Variants in PAPPA observed in about 807,000 individuals in gnomAD.
The protein encoded by PAPPA is pappalysin-1.
In PAPPA, 60 loss-of-function variants were observed where a neutral mutation model predicts 164.0. That is an observed-to-expected ratio of 0.37 (90% CI 0.30 to 0.45). PAPPA has a LOEUF of 0.45. Ranked by LOEUF, PAPPA falls within the 20% of genes least tolerant of loss-of-function variation. The probability of loss-of-function intolerance (pLI) is 1.00; values close to 1 mark genes in which losing one functional copy is unlikely to be tolerated. For missense variants in PAPPA, 1,782 were observed against 2,087.3 expected (o/e 0.85, Z 2.85); for synonymous variants, 875 against 814.1 (o/e 1.07, Z -1.27).
At chr9:116,365,087 T>C (rs1846481975) in intron 18 of PAPPA, among the ~76,000 whole-genome samples, 1 of 152,146 alleles carries the variant, frequency 6.6e-6, no homozygotes, top group African/African-American at 2.4e-5. Context: ...TTCCTCCAAA[T>C]GCGCCTGACT....
At position 116,271,037 on chromosome 9, in the gene PAPPA, T is replaced by C. The variant is rs191854423; in HGVS notation, c.2862-288T>C. Among the ~76,000 whole-genome samples the C allele has an allele frequency of 1.3e-5, 2 of 152,334 alleles. No homozygotes were observed. Among genetic ancestry groups the C allele is most frequent in the East Asian group, 3.9e-4 (2 of 5,184 alleles). On this transcript the variant is annotated intron_variant, in intron 8 of 21. Transcript: ENST00000328252. The surrounding 1 kb of genome is among the most constrained non-coding windows in gnomAD (Gnocchi z 4.2). ...ATTTATTTGTTCATTAGTTCTTCCA[T>C]GTCTTACTCCCATCTGACTTAACTG... is the stretch of plus-strand genomic sequence containing the variant.
intron 7 of PAPPA, among the ~76,000 whole-genome samples, chr9:116,243,647 A>T (rs1315567347): frequency 6.6e-6 from 1 of 152,234 alleles, no homozygotes; most frequent in Non-Finnish European, 1.5e-5. Context: ...TCGATGGAGA[A>T]AATGAATACT....
intron 1 of PAPPA, among the ~76,000 whole-genome samples, chr9:116,183,831 T>A (rs1178657689): frequency 6.6e-6 from 1 of 152,132 alleles, no homozygotes; most frequent in Admixed American, 6.5e-5. Context: ...CTTTTCTCAC[T>A]TCTTCCCCCT....
chr9:116,255,245 G>A lies in PAPPA; in HGVS notation c.2733-10612G>A, dbSNP rs114705875. 8.3e-3 allele frequency among the ~76,000 whole-genome samples: 1,264 copies of A among 152,082 alleles called. 15 individuals are homozygous for A. Among genetic ancestry groups the A allele is most frequent in the African/African-American group, 0.028 (1,179 of 41,536 alleles). On this transcript the variant is annotated intron_variant, in intron 7 of 21. Coordinates refer to ENST00000328252, the MANE Select transcript of PAPPA (RefSeq NM_002581.5). ...GCTCAATGTCTTGGAAAGATAAAGG[G>A]TTCTAGAGTCAAACAGCATGGTTTA...
chr9:116,177,949 T>C (rs1163131140), intron 1 of PAPPA, among the ~76,000 whole-genome samples: 1 of 152,180 alleles, frequency 6.6e-6, no homozygotes, highest in African/African-American at 2.4e-5. Context: ...TATGCACTGA[T>C]TTCATCGACA....
chr9:116,360,707 T>C (rs1456354651), intron 17 of PAPPA, among the ~76,000 whole-genome samples: 1 of 152,214 alleles, frequency 6.6e-6, no homozygotes, highest in East Asian at 1.9e-4. Flanking sequence ...CCCCATCTTT[T>C]CGTAAACAAA....
At chr9:116,330,606 TGTGTGC>T (rs1189308412) in intron 10 of PAPPA, among the ~76,000 whole-genome samples, 4 of 151,156 alleles carry the variant, frequency 2.6e-5, no homozygotes, top group African/African-American at 7.3e-5. Context: ...TGTGTGTGTG[TGTGTGC>T]GTGTGTGTGT....
chr9:116,228,058 C>T (rs1025202291), intron 6 of PAPPA, among the ~76,000 whole-genome samples: 1 of 152,184 alleles, frequency 6.6e-6, no homozygotes, highest in Non-Finnish European at 1.5e-5. Flanking sequence ...CTGTAAGACA[C>T]ATAAAGGAAG....
chr9:116,274,898 A>G (rs1368368081), intron 9 of PAPPA, among the ~76,000 whole-genome samples: 1 of 152,130 alleles, frequency 6.6e-6, no homozygotes, highest in East Asian at 1.9e-4. Flanking sequence ...TAGTGATTAG[A>G]CTTAGGGATA....
intron 9 of PAPPA, chr9:116,287,600 A>C (rs966017372): frequency 2.6e-5 from 4 of 152,246 alleles, no homozygotes; most frequent in Non-Finnish European, 4.4e-5. Context: ...TGTTGGGAAA[A>C]GTTGAATGAA....
chr9:116,281,717 G>A (rs1845269656), intron 9 of PAPPA, among the ~76,000 whole-genome samples: 1 of 152,116 alleles, frequency 6.6e-6, no homozygotes, highest in Non-Finnish European at 1.5e-5. Context: ...GCCCCCAAAT[G>A]TTTAAGTGAC....
chr9:116,372,110 T>C (rs1022020749), intron 19 of PAPPA, among the ~76,000 whole-genome samples: 4 of 152,210 alleles, frequency 2.6e-5, no homozygotes, highest in Non-Finnish European at 5.9e-5. Context: ...TCAAAGTGAT[T>C]AGAGGTACAG....
At chr9:116,193,264 C>T (rs72752158) in intron 2 of PAPPA, among the ~76,000 whole-genome samples, 3,071 of 152,110 alleles carry the variant, frequency 0.02, 39 homozygotes, top group Middle Eastern at 0.037. Context: ...GAGGTCACCC[C>T]CGACCCCTCT....
intron 7 of PAPPA, among the ~76,000 whole-genome samples, chr9:116,256,404 T>C (rs1232794618): frequency 2.0e-5 from 3 of 151,604 alleles, no homozygotes; most frequent in African/African-American, 7.3e-5. Flanking sequence ...AAGGAATAAA[T>C]AAGCAAGGAA....
At position 116,154,389 on chromosome 9, in the gene PAPPA, CGCGTCCCCCGGCGGCGGCAGCAGCGGGAG is replaced by C; in HGVS notation, c.221_249del (p.Val74GlufsTer59). ...GCCGGGCGGTGCCTGGGAAGCCGTG[CGCGTCCCCCGGCGGCGGCAGCAGCGGGAG>C]GCGAGGGGCGCCACCGAGGAGCCGA... On this transcript the variant is annotated frameshift_variant, in exon 1 of 22. Transcript: ENST00000328252. LOFTEE classifies it high-confidence loss of function. The surrounding 1 kb of genome is among the most constrained non-coding windows in gnomAD (Gnocchi z 5.2). 9.1e-7 allele frequency: 1 copy of C among 1,100,486 alleles called. No individual in the cohort carries two copies. Among genetic ancestry groups the C allele is most frequent in the Non-Finnish European group, 1.2e-6 (1 of 868,268 alleles). 68.2% of individuals were successfully genotyped at this position (1,100,486 alleles called of 1,614,324 possible).
At chr9:116,387,665 A>G (rs981343418) in intron 21 of PAPPA, among the ~76,000 whole-genome samples, 6 of 152,324 alleles carry the variant, frequency 3.9e-5, no homozygotes, top group South Asian at 4.1e-4. Flanking sequence ...GTGAGCCGCC[A>G]TGGACGGCCC....
At chr9:116,212,616 A>G (rs1435454314) in intron 4 of PAPPA, among the ~76,000 whole-genome samples, 1 of 152,130 alleles carries the variant, frequency 6.6e-6, no homozygotes, top group Non-Finnish European at 1.5e-5. Context: ...CTTTTTCCCC[A>G]CTAGAACAAG....
chr9:116,261,887 G>C (rs187012176), intron 7 of PAPPA, among the ~76,000 whole-genome samples: 1 of 150,944 alleles, frequency 6.6e-6, no homozygotes. Flanking sequence ...GTAGAAAAAA[G>C]TGTTTTGTTT....
chr9:116,238,543 A>C (rs1272591570), intron 7 of PAPPA, among the ~76,000 whole-genome samples: 2 of 152,216 alleles, frequency 1.3e-5, no homozygotes, highest in African/African-American at 2.4e-5. Context: ...GAAGGCACTC[A>C]AACTTAAGTG....
Sources: allele counts gnomAD v4.1 joint callset (sites outside exome capture counted in the v4.1 genomes callset), GRCh38; gene constraint gnomAD v4.1.1; non-coding constraint Gnocchi (gnomAD v3.1); transcripts MANE v1.5; gene names NCBI Gene and HGNC (gene_info 2026-07-23, HGNC 2026-07-21).